The following SUFU variants were observed in gnomAD, a reference collection of about 807,000 sequenced individuals.
The protein encoded by SUFU is SUFU negative regulator of hedgehog signaling.
Under a neutral mutation model 58.9 loss-of-function variants are expected in SUFU, and 7 were observed. The ratio of observed to expected loss-of-function variants is 0.12; its 90% CI spans 0.07 to 0.22. SUFU has a LOEUF of 0.22. Ranked by LOEUF, SUFU falls within the 10% of genes least tolerant of loss-of-function variation. The pLI is 1.00. For missense variants in SUFU, 451 were observed against 641.3 expected, an observed-to-expected ratio of 0.70 and a Z score of 3.20; for synonymous variants, 232 against 254.8, an observed-to-expected ratio of 0.91 and a Z score of 0.85.
At chr10:102,542,186 G>A (rs555284302) in intron 2 of SUFU, among the ~76,000 whole-genome samples, 1 of 139,602 alleles carries the variant, frequency 7.2e-6, no homozygotes, top group East Asian at 2.4e-4. Context: ...GGGCTGGAGT[G>A]CAGTGGCGTG....
chr10:102,556,485 G>T (rs1019777064), intron 3 of SUFU, among the ~76,000 whole-genome samples: 5 of 152,196 alleles, frequency 3.3e-5, no homozygotes, highest in African/African-American at 1.2e-4. Flanking sequence ...CCTCAGGCCT[G>T]TAATCCCAGC....
In SUFU at chr10:102,617,859, C is replaced by T. The variant is rs1048850941; in HGVS notation, c.1296+431C>T. On this transcript the variant is annotated intron_variant, in intron 10 of 11. Transcript: ENST00000369902. This position sits in a 1 kb window ranked among gnomAD's most constrained non-coding sequence, Gnocchi z 4.4. ...CAGAATTCAGACAGTGGCATGTGTGCCTGGACCAGGGCTGGGCAGGCCTCA... is the reference window on the plus strand; with the variant it reads ...CAGAATTCAGACAGTGGCATGTGTGTCTGGACCAGGGCTGGGCAGGCCTCA... 2.2e-5 allele frequency: 9 copies of T among 400,494 alleles called. No individual in the cohort carries two copies. The highest frequency in any genetic ancestry group is 4.0e-5 in the Non-Finnish European group (9 of 225,018). 24.8% of individuals were successfully genotyped at this position (400,494 alleles called of 1,614,324 possible).
At chr10:102,582,614 C>G (rs922722651) in intron 3 of SUFU, among the ~76,000 whole-genome samples, 1 of 152,062 alleles carries the variant, frequency 6.6e-6, no homozygotes, top group African/African-American at 2.4e-5. Flanking sequence ...GGGAATGAGA[C>G]GTGGAGGAAT....
At chr10:102,588,159 G>A (rs1404600480) in intron 3 of SUFU, among the ~76,000 whole-genome samples, 1 of 152,150 alleles carries the variant, frequency 6.6e-6, no homozygotes, top group African/African-American at 2.4e-5. Flanking sequence ...CACTTTGGGA[G>A]GCCGAGGCAC....
intron 2 of SUFU, among the ~76,000 whole-genome samples, chr10:102,541,163 ATTTAT>A (rs2062794716): frequency 6.6e-6 from 1 of 151,482 alleles, no homozygotes. Flanking sequence ...ATTCTGTTTC[ATTTAT>A]TTTGAGTATG....
chr10:102,588,173 G>T (rs756264839), intron 3 of SUFU, among the ~76,000 whole-genome samples: 16 of 152,134 alleles, frequency 1.1e-4, no homozygotes, highest in Non-Finnish European at 2.4e-4. Flanking sequence ...GAGGCACGCG[G>T]ATCACGAGGT....
intron 3 of SUFU, chr10:102,572,697 T>G (rs565140251): frequency 4.4e-5 from 29 of 659,884 alleles, no homozygotes; most frequent in Middle Eastern, 4.4e-4. Flanking sequence ...CAGCCTTTTT[T>G]TTGTTGTTGT....
At chr10:102,533,091 T>A (rs936157013) in intron 2 of SUFU, among the ~76,000 whole-genome samples, 2 of 152,082 alleles carry the variant, frequency 1.3e-5, no homozygotes, top group African/African-American at 4.8e-5. Flanking sequence ...TCACTGACTG[T>A]CTGACCAGCT....
chr10:102,587,825 A>G (rs982095234), intron 3 of SUFU, among the ~76,000 whole-genome samples: 2 of 152,174 alleles, frequency 1.3e-5, no homozygotes, highest in Admixed American at 6.5e-5. Flanking sequence ...GATGAAGTCT[A>G]ATTTACCTAT....
intron 3 of SUFU, chr10:102,573,048 A>G (rs1265075179): frequency 2.4e-6 from 2 of 850,030 alleles, no homozygotes; most frequent in Non-Finnish European, 4.0e-6. Flanking sequence ...TTCTGAGGGT[A>G]CTTGGGCTGC....
rs147447326 is a variant in SUFU at position 102,542,797 on chromosome 10, G to A, written c.318-7173G>A. On this transcript the variant is annotated intron_variant, in intron 2 of 11. Transcript: ENST00000369902. ...GTGCCACCATGCCCAGCTAATTTTTGTACTTTTTGTGGAGGCAAGGCTTCG... is the reference window on the plus strand; with the variant it reads ...GTGCCACCATGCCCAGCTAATTTTTATACTTTTTGTGGAGGCAAGGCTTCG... Among the ~76,000 whole-genome samples, 808 of 151,958 alleles carry A rather than the reference G, an allele frequency of 5.3e-3. 5 individuals are homozygous for A. Among genetic ancestry groups the A allele is most frequent in the African/African-American group, 0.019 (772 of 41,446 alleles).
At chr10:102,589,244 A>T (rs1332633986) in intron 3 of SUFU, among the ~76,000 whole-genome samples, 4 of 151,214 alleles carry the variant, frequency 2.6e-5, no homozygotes, top group African/African-American at 9.7e-5. Flanking sequence ...TTGTTTTTGG[A>T]TTGTTCCTTG....
At chr10:102,553,559 A>G (rs546466225) in intron 3 of SUFU, among the ~76,000 whole-genome samples, 25 of 151,410 alleles carry the variant, frequency 1.7e-4, no homozygotes, top group Non-Finnish European at 3.4e-4. Flanking sequence ...CGCCTCCCAG[A>G]TTCACGCCAT....
intron 2 of SUFU, among the ~76,000 whole-genome samples, chr10:102,535,161 C>T (rs1239995490): frequency 1.3e-5 from 2 of 151,980 alleles, no homozygotes; most frequent in Non-Finnish European, 2.9e-5. Context: ...CAGCCTGGGA[C>T]CAGGAGGAAG....
At chr10:102,534,325 G>A (rs1039930082) in intron 2 of SUFU, among the ~76,000 whole-genome samples, 4 of 152,358 alleles carry the variant, frequency 2.6e-5, no homozygotes, top group Middle Eastern at 3.4e-3. Flanking sequence ...TACTTGGGAG[G>A]CGGAGGCAGG....
At chr10:102,550,155 G>A (rs2135743822) in intron 3 of SUFU, 49 bp downstream of exon 3, 1 of 1,613,130 alleles carries the variant, frequency 6.2e-7, no homozygotes, top group Non-Finnish European at 8.5e-7. Flanking sequence ...CCATGAGCCT[G>A]GTTGACTTTG....
chr10:102,540,260 G>A (rs2062783455), intron 2 of SUFU, among the ~76,000 whole-genome samples: 1 of 152,068 alleles, frequency 6.6e-6, no homozygotes, highest in African/African-American at 2.4e-5. Flanking sequence ...GCCAGAACTA[G>A]GAAACACACA....
intron 3 of SUFU, chr10:102,591,156 G>A (rs1316436909): frequency 6.6e-6 from 1 of 152,190 alleles, no homozygotes; most frequent in African/African-American, 2.4e-5. Context: ...AGACCATAGT[G>A]AACTCTGGAA....
chr10:102,510,996 C>T (rs2062394412), intron 2 of SUFU, among the ~76,000 whole-genome samples: 1 of 151,580 alleles, frequency 6.6e-6, no homozygotes, highest in Admixed American at 6.6e-5. Context: ...TGGCACATGC[C>T]TGTAATCCCA....
Sources: allele counts gnomAD v4.1 joint callset (sites outside exome capture counted in the v4.1 genomes callset), GRCh38; gene constraint gnomAD v4.1.1; non-coding constraint Gnocchi (gnomAD v3.1); transcripts MANE v1.5; gene names NCBI Gene and HGNC (gene_info 2026-07-23, HGNC 2026-07-21).